DCDC2: variants seen among roughly 807,000 people sequenced by gnomAD.
The protein encoded by DCDC2 is doublecortin domain-containing protein 2.
Under a neutral mutation model 50.2 loss-of-function variants are expected in DCDC2, and 40 were observed. That is an observed-to-expected ratio of 0.80 (90% CI 0.62 to 1.04). The LOEUF is 1.04. Ranked by LOEUF, DCDC2 falls within the 50% of genes least tolerant of loss-of-function variation. DCDC2 has a pLI of 0.00. For missense variants in DCDC2, 570 were observed against 581.9 expected, an observed-to-expected ratio of 0.98 and a Z score of 0.21; for synonymous variants, 234 against 210.6, an observed-to-expected ratio of 1.11 and a Z score of -0.96.
chr6:24,349,265 T>C (rs988930579), intron 2 of DCDC2, among the ~76,000 whole-genome samples: 9 of 152,218 alleles, frequency 5.9e-5, no homozygotes, highest in Non-Finnish European at 1.2e-4. Flanking sequence ...TCGAATCACT[T>C]ATGATGTAGT....
At chr6:24,301,228 G>C (rs192116619) in intron 4 of DCDC2, among the ~76,000 whole-genome samples, 1 of 151,746 alleles carries the variant, frequency 6.6e-6, no homozygotes, top group Non-Finnish European at 1.5e-5. Flanking sequence ...AAAATTAGCC[G>C]GGCGTGGTGG....
the DCDC2 span, among the ~76,000 whole-genome samples, chr6:24,367,281 A>C: frequency 6.6e-6 from 1 of 152,348 alleles, no homozygotes; most frequent in Non-Finnish European, 1.5e-5. Flanking sequence ...TGCCCTGGTG[A>C]CCTGGAACTG....
At chr6:24,192,985 T>C (rs1440303350) in intron 8 of DCDC2, among the ~76,000 whole-genome samples, 1 of 151,072 alleles carries the variant, frequency 6.6e-6, no homozygotes, top group African/African-American at 2.4e-5. Context: ...ACAAAGAAAA[T>C]AGTCTAAAAG....
chr6:24,353,644 CAAT>C (rs759406119), intron 1 of DCDC2, 21 bp from the exon 2 acceptor site: 3 of 1,481,118 alleles, frequency 2.0e-6, no homozygotes, highest in South Asian at 2.5e-5. Flanking sequence ...AACAAACAAA[CAAT>C]AAGAGTTGCT....
At chr6:24,219,221 A>T (rs367740373) in intron 7 of DCDC2, among the ~76,000 whole-genome samples, 3 of 152,276 alleles carry the variant, frequency 2.0e-5, no homozygotes, top group African/African-American at 7.2e-5. Flanking sequence ...GTCAAGAAAC[A>T]TTTTTTTATT....
At chr6:24,294,889 T>C (rs1379530164) in intron 4 of DCDC2, among the ~76,000 whole-genome samples, 1 of 152,058 alleles carries the variant, frequency 6.6e-6, no homozygotes, top group Non-Finnish European at 1.5e-5. Context: ...TTCTACCAGA[T>C]GTACAAAATG....
intron 2 of DCDC2, among the ~76,000 whole-genome samples, chr6:24,311,873 G>A (rs1759575521): frequency 6.6e-6 from 1 of 152,158 alleles, no homozygotes; most frequent in Non-Finnish European, 1.5e-5. Context: ...TACAATTTAT[G>A]TACAACCTGA....
the DCDC2 span, among the ~76,000 whole-genome samples, chr6:24,371,563 G>A: frequency 6.6e-6 from 1 of 152,140 alleles, no homozygotes. Context: ...TGCTGAGACT[G>A]CTACTGCACT....
rs536572199 is a variant in DCDC2, at chr6:24,221,491, A to T, written c.923-16389T>A. On this transcript the variant is annotated intron_variant, in intron 7 of 9. Coordinates refer to ENST00000378454, the MANE Select transcript of DCDC2 (RefSeq NM_016356.5). Reference sequence around the variant, plus strand: ...TGAAGTTTTTACACTTATTCTCTGTACCCTAACAGTACCACATGACAGACA... The same window carrying T: ...TGAAGTTTTTACACTTATTCTCTGTTCCCTAACAGTACCACATGACAGACA... 1.1e-4 allele frequency among the ~76,000 whole-genome samples: 17 copies of T among 152,270 alleles called. No individual in the cohort carries two copies. In the South Asian group the frequency reaches 3.3e-3, roughly 30 times the overall value.
In DCDC2 at chr6:24,250,116, C is replaced by T. The variant is rs866004296; in HGVS notation, c.922+27933G>A. Among the ~76,000 whole-genome samples, 38 of 152,262 alleles carry T rather than the reference C, an allele frequency of 2.5e-4. 2 individuals carry two copies. In the South Asian group the frequency reaches 6.9e-3, roughly 27 times the overall value. On this transcript the variant is annotated intron_variant, in intron 7 of 9. Coordinates refer to ENST00000378454, the MANE Select transcript of DCDC2 (RefSeq NM_016356.5). ...GGTCCCGGCAGCCTCCCTCCCCCAT[C>T]CTCTGATCCTTCTCATCATCTCTCA...
intron 7 of DCDC2, among the ~76,000 whole-genome samples, chr6:24,220,818 C>A (rs1040599911): frequency 4.3e-5 from 3 of 69,180 alleles, no homozygotes; most frequent in Non-Finnish European, 7.3e-5. Context: ...CGGCAGAAAG[C>A]GAAGGGGAAG....
chr6:24,317,613 T>C (rs974993595), intron 2 of DCDC2, among the ~76,000 whole-genome samples: 1 of 152,044 alleles, frequency 6.6e-6, no homozygotes, highest in Admixed American at 6.6e-5. Flanking sequence ...TATGACTCCA[T>C]ATCCAGAGGC....
chr6:24,360,537 A>G (rs1489362579), upstream of DCDC2, among the ~76,000 whole-genome samples: 1 of 151,908 alleles, frequency 6.6e-6, no homozygotes, highest in Non-Finnish European at 1.5e-5. Context: ...TGTCTGAGGA[A>G]TAACAGGGAG....
chr6:24,233,822 A>T (rs1195195675), intron 7 of DCDC2, among the ~76,000 whole-genome samples: 2 of 152,218 alleles, frequency 1.3e-5, no homozygotes, highest in East Asian at 3.8e-4. Flanking sequence ...ACTAATCTAC[A>T]TATCTTTGTA....
At chr6:24,365,321 T>C in the DCDC2 span, among the ~76,000 whole-genome samples, 3 of 152,216 alleles carry the variant, frequency 2.0e-5, no homozygotes, top group Admixed American at 6.5e-5. Context: ...GGAACAGAGA[T>C]TTGCTCGTCA....
intron 2 of DCDC2, among the ~76,000 whole-genome samples, chr6:24,339,889 G>C (rs138442682): frequency 6.6e-6 from 1 of 152,168 alleles, no homozygotes; most frequent in Non-Finnish European, 1.5e-5. Context: ...CCACTAACTT[G>C]ATGCTATAAG....
chr6:24,246,349 G>A (rs1762670572), intron 7 of DCDC2, among the ~76,000 whole-genome samples: 1 of 151,442 alleles, frequency 6.6e-6, no homozygotes, highest in East Asian at 1.9e-4. Context: ...TAGATCTTTA[G>A]TGGTAAAATT....
At chr6:24,315,242 G>A (rs1759640201) in intron 2 of DCDC2, among the ~76,000 whole-genome samples, 1 of 150,374 alleles carries the variant, frequency 6.7e-6, no homozygotes, top group South Asian at 2.1e-4. Flanking sequence ...TAGCTCCTTA[G>A]CGAAGCACTT....
At chr6:24,340,368 TAGA>T (rs940413683) in intron 2 of DCDC2, among the ~76,000 whole-genome samples, 6 of 152,186 alleles carry the variant, frequency 3.9e-5, no homozygotes, top group Admixed American at 6.5e-5. Context: ...GCAATCTGAT[TAGA>T]AGAAGTACCG....
Sources: allele counts gnomAD v4.1 joint callset (sites outside exome capture counted in the v4.1 genomes callset), GRCh38; gene constraint gnomAD v4.1.1; transcripts MANE v1.5; gene names NCBI Gene and HGNC (gene_info 2026-07-23, HGNC 2026-07-21).